The following DLG2 variants were observed in gnomAD, a reference collection of about 807,000 sequenced individuals.
DLG2 encodes disks large homolog 2.
A neutral mutation model predicts 132.5 loss-of-function variants in DLG2; 45 were observed. The observed-to-expected ratio is 0.34, with a 90% CI of 0.27 to 0.44. DLG2 has a LOEUF of 0.44. Ranked by LOEUF, DLG2 falls within the 20% of genes least tolerant of loss-of-function variation. The probability of loss-of-function intolerance (pLI) is 1.00; values close to 1 mark genes in which losing one functional copy is unlikely to be tolerated. For missense variants in DLG2, 1,045 were observed against 1,196.9 expected, an observed-to-expected ratio of 0.87 and a Z score of 1.87; for synonymous variants, 424 against 419.6, an observed-to-expected ratio of 1.01 and a Z score of -0.13.
At chr11:84,477,473 C>A (rs1354180729) in intron 7 of DLG2, among the ~76,000 whole-genome samples, 1 of 151,904 alleles carries the variant, frequency 6.6e-6, no homozygotes, top group Admixed American at 6.6e-5. Flanking sequence ...CCAACCTGGG[C>A]AACAAGAGAG....
At chr11:84,794,299 T>C (rs2153945053) in intron 6 of DLG2, among the ~76,000 whole-genome samples, 1 of 152,252 alleles carries the variant, frequency 6.6e-6, no homozygotes, top group Middle Eastern at 3.4e-3. Flanking sequence ...AAAGGATAAA[T>C]GTTTGAGAGA....
At chr11:84,732,171 T>C (rs1440409003) in intron 6 of DLG2, among the ~76,000 whole-genome samples, 1 of 152,066 alleles carries the variant, frequency 6.6e-6, no homozygotes, top group Non-Finnish European at 1.5e-5. Context: ...ATTACATAAT[T>C]TGTCTATATT....
intron 6 of DLG2, among the ~76,000 whole-genome samples, chr11:84,737,721 G>A (rs1358990094): frequency 1.3e-5 from 2 of 151,984 alleles, no homozygotes; most frequent in Non-Finnish European, 2.9e-5. Context: ...ACAGATAATG[G>A]TGATACAGAC....
At chr11:84,294,095 T>C (rs79761854) in intron 7 of DLG2, among the ~76,000 whole-genome samples, 103 of 152,246 alleles carry the variant, frequency 6.8e-4, no homozygotes, top group African/African-American at 2.4e-3. Flanking sequence ...TGTAACACAA[T>C]AGGAGGTAAG....
intron 8 of DLG2, among the ~76,000 whole-genome samples, chr11:84,202,439 C>T (rs949830307): frequency 2.0e-5 from 3 of 152,102 alleles, no homozygotes; most frequent in Non-Finnish European, 4.4e-5. Flanking sequence ...AACTGGACCC[C>T]TTCCTTAAAC....
intron 6 of DLG2, among the ~76,000 whole-genome samples, chr11:84,743,155 CT>C (rs1242922805): frequency 6.6e-6 from 1 of 152,162 alleles, no homozygotes; most frequent in Non-Finnish European, 1.5e-5. Context: ...CCAGTTTCCC[CT>C]ATTAGTTATA....
intron 7 of DLG2, among the ~76,000 whole-genome samples, chr11:84,512,337 T>C (rs562935537): frequency 1.3e-5 from 2 of 152,114 alleles, no homozygotes; most frequent in African/African-American, 2.4e-5. Flanking sequence ...TCTAGGAACA[T>C]AGAGAGCACT....
At chr11:84,541,482 A>G (rs1264585006) in intron 6 of DLG2, among the ~76,000 whole-genome samples, 3 of 152,076 alleles carry the variant, frequency 2.0e-5, no homozygotes, top group African/African-American at 4.8e-5. Context: ...TCTGACTTCA[A>G]AGGTTGGAAA....
intron 3 of DLG2, among the ~76,000 whole-genome samples, chr11:85,472,459 C>T (rs1423824990): frequency 6.6e-6 from 1 of 152,058 alleles, no homozygotes; most frequent in Non-Finnish European, 1.5e-5. Flanking sequence ...ACCACCAAGC[C>T]CAGCTAATTT....
At position 84,343,417 on chromosome 11, in the gene DLG2, A is replaced by G. The variant is rs1567346667; in HGVS notation, c.520-92126T>C. ...TCAGCTGTTTTCATCAAAGCAAGTC[A>G]CTAGCCTTCTCTTGTTATTCACTGG... On this transcript the variant is annotated intron_variant, in intron 7 of 27. Coordinates refer to ENST00000376104, the MANE Select transcript of DLG2 (RefSeq NM_001142699.3). 2.0e-5 allele frequency among the ~76,000 whole-genome samples: 3 copies of G among 152,242 alleles called. No individual in the cohort carries two copies. The South Asian group carries it at 6.2e-4, about 32-fold the overall frequency.
Position 83,744,236 on chromosome 11 carries a change from A to G in DLG2, c.1825+42454T>C, listed in dbSNP as rs959085660. On this transcript the variant is annotated intron_variant, in intron 18 of 27. Coordinates refer to ENST00000376104, the MANE Select transcript of DLG2 (RefSeq NM_001142699.3). Reference sequence around the variant, plus strand: ...AGTGTGTTCTTGACTTTGATCCAGCAGCTGCCTCCTAATTCCCACTCCTTC... The same window carrying G: ...AGTGTGTTCTTGACTTTGATCCAGCGGCTGCCTCCTAATTCCCACTCCTTC... Among the ~76,000 whole-genome samples, 28 of 152,220 alleles carry G rather than the reference A, an allele frequency of 1.8e-4. 1 individual carries two copies. The highest frequency in any genetic ancestry group is 5.3e-4 in the African/African-American group (22 of 41,452).
chr11:83,771,247 A>T (rs1226784914), intron 18 of DLG2, among the ~76,000 whole-genome samples: 1 of 152,208 alleles, frequency 6.6e-6, no homozygotes, highest in Non-Finnish European at 1.5e-5. Flanking sequence ...GCTGCTCATT[A>T]CTAAGTATAC....
At chr11:85,464,294 A>G (rs934106966) in intron 3 of DLG2, among the ~76,000 whole-genome samples, 4 of 152,084 alleles carry the variant, frequency 2.6e-5, no homozygotes, top group Admixed American at 2.0e-4. Context: ...CATGAGAGAG[A>G]GTTTAACTGC....
chr11:85,219,555 T>C (rs2082870814), intron 4 of DLG2, among the ~76,000 whole-genome samples: 1 of 151,772 alleles, frequency 6.6e-6, no homozygotes, highest in Admixed American at 6.6e-5. Flanking sequence ...TTTCTTGCAT[T>C]TCCTAGCTTC....
At chr11:84,308,737 A>C (rs2154386346) in intron 7 of DLG2, among the ~76,000 whole-genome samples, 1 of 152,234 alleles carries the variant, frequency 6.6e-6, no homozygotes, top group South Asian at 2.1e-4. Flanking sequence ...GTGGGCCGGC[A>C]CTGCTGGGGG....
At chr11:85,505,946 G>C (rs1378008569) in intron 3 of DLG2, among the ~76,000 whole-genome samples, 1 of 152,108 alleles carries the variant, frequency 6.6e-6, no homozygotes, top group Non-Finnish European at 1.5e-5. Context: ...GTTTAGTCTT[G>C]GGAGGGTGTA....
intron 7 of DLG2, among the ~76,000 whole-genome samples, chr11:84,310,714 G>A (rs1245424763): frequency 6.6e-6 from 1 of 152,186 alleles, no homozygotes; most frequent in East Asian, 1.9e-4. Context: ...TTCTTCCTTG[G>A]TAAGGGGCTG....
chr11:83,943,643 C>T (rs1002729971), intron 14 of DLG2, among the ~76,000 whole-genome samples: 18 of 152,154 alleles, frequency 1.2e-4, no homozygotes, highest in African/African-American at 2.4e-4. Context: ...TAGTCTACTT[C>T]GGGGAAATTA....
At chr11:83,515,496 T>C (rs1414207648) in intron 21 of DLG2, among the ~76,000 whole-genome samples, 4 of 152,226 alleles carry the variant, frequency 2.6e-5, no homozygotes, top group African/African-American at 7.2e-5. Flanking sequence ...ATTGATTTTT[T>C]GAAGGGTTTT....
Sources: gnomAD v4.1 joint callset for allele counts (sites outside exome capture counted in the v4.1 genomes callset) on GRCh38, gnomAD v4.1.1 for gene constraint, MANE v1.5 for transcripts, NCBI Gene and HGNC (gene_info 2026-07-23, HGNC 2026-07-21) for gene names.